The following RP1 variants were observed in gnomAD, a reference collection of about 807,000 sequenced individuals.
The protein encoded by RP1 is RP1 axonemal microtubule associated.
In RP1, 16 loss-of-function variants were observed where a neutral mutation model predicts 14.8. The observed-to-expected ratio is 1.08, with a 90% confidence interval of 0.73 to 1.65. The LOEUF is 1.65. RP1 is among the 40% of genes most tolerant of loss of function. The pLI, the probability that RP1 is intolerant of heterozygous loss-of-function variation, is 0.00. For synonymous variants in RP1, 876 were observed against 883.6 expected (o/e 0.99, Z 0.15); for missense variants, 2,631 against 2,535.0 (o/e 1.04, Z -0.81).
At chr8:54,734,566 G>A in exon 18 of RP1, 5 of 1,535,180 alleles carry the variant, frequency 3.3e-6, no homozygotes, top group Non-Finnish European at 4.4e-6. Flanking sequence ...CATTTCCAAA[G>A]TAGTGAGACT....
At chr8:54,741,007 G>T (rs970097682) in intron 19 of RP1, among the ~76,000 whole-genome samples, 1 of 151,010 alleles carries the variant, frequency 6.6e-6, no homozygotes, top group Admixed American at 6.6e-5. Flanking sequence ...TTGCACTCCA[G>T]TCTGGGGGAC....
intron 1 of RP1, among the ~76,000 whole-genome samples, chr8:54,593,933 G>A (rs1490529544): frequency 2.0e-5 from 3 of 152,264 alleles, no homozygotes; most frequent in African/African-American, 7.2e-5. Context: ...AAGTTGCAGA[G>A]GAAGGTGAAA....
At chr8:54,822,071 C>A (rs1811267668) in intron 24 of RP1, among the ~76,000 whole-genome samples, 1 of 152,044 alleles carries the variant, frequency 6.6e-6, no homozygotes, top group Non-Finnish European at 1.5e-5. Flanking sequence ...TGTGAAAAGC[C>A]ATGCATTAGT....
At chr8:54,744,472 G>A (rs553741844) in intron 19 of RP1, among the ~76,000 whole-genome samples, 1 of 152,304 alleles carries the variant, frequency 6.6e-6, no homozygotes, top group East Asian at 1.9e-4. Flanking sequence ...GTGTCTATTT[G>A]CAAAGCTGAA....
At chr8:54,778,233 T>A (rs1810089807) in intron 23 of RP1, among the ~76,000 whole-genome samples, 1 of 152,076 alleles carries the variant, frequency 6.6e-6, no homozygotes, top group Admixed American at 6.5e-5. Context: ...TGTCCAAATG[T>A]TGAAGTGTGC....
chr8:54,821,839 G>T (rs566539389), intron 24 of RP1, among the ~76,000 whole-genome samples: 1 of 152,240 alleles, frequency 6.6e-6, no homozygotes, highest in African/African-American at 2.4e-5. Context: ...AAGAATCAGG[G>T]TACCTGGGAG....
At chr8:54,710,943 A>T (rs1008667904) in intron 15 of RP1, among the ~76,000 whole-genome samples, 1 of 152,136 alleles carries the variant, frequency 6.6e-6, no homozygotes, top group African/African-American at 2.4e-5. Context: ...GGAAGTTTTC[A>T]CTTTGGGCTG....
At chr8:54,866,806 A>C (rs554622675) in intron 28 of RP1, among the ~76,000 whole-genome samples, 187 of 152,322 alleles carry the variant, frequency 1.2e-3, no homozygotes, top group Non-Finnish European at 7.9e-4. Flanking sequence ...AGAGAGGCTT[A>C]TATATGCTGT....
intron 1 of RP1, among the ~76,000 whole-genome samples, chr8:54,586,725 C>T (rs1184839201): frequency 1.3e-5 from 2 of 152,198 alleles, no homozygotes; most frequent in Admixed American, 6.5e-5. Context: ...TCGCTGCCAC[C>T]TTGCAGTTTG....
intron 3 of RP1, among the ~76,000 whole-genome samples, chr8:54,636,971 T>G (rs554191707): frequency 2.0e-5 from 3 of 152,222 alleles, no homozygotes; most frequent in Non-Finnish European, 4.4e-5. Context: ...TTTATGCCTT[T>G]GCTTACTTTC....
chr8:54,752,096 G>C (rs1490252185), intron 19 of RP1, among the ~76,000 whole-genome samples: 1 of 152,122 alleles, frequency 6.6e-6, no homozygotes, highest in Admixed American at 6.5e-5. Context: ...TTAGGTTCTT[G>C]GAAACTGTGA....
At chr8:54,681,529 T>C (rs1472771571) in intron 12 of RP1, among the ~76,000 whole-genome samples, 2 of 151,974 alleles carry the variant, frequency 1.3e-5, no homozygotes, top group South Asian at 2.1e-4. Flanking sequence ...TGTGTATGTA[T>C]ATATGTATAT....
chr8:54,815,873 T>C (rs1399307708), intron 24 of RP1, among the ~76,000 whole-genome samples: 1 of 152,248 alleles, frequency 6.6e-6, no homozygotes, highest in Non-Finnish European at 1.5e-5. Flanking sequence ...GATTAACTTA[T>C]GTCTAGACAT....
rs116347442 is a variant in RP1, at chr8:54,754,492, G to A, written c.2809-311G>A. 8.7e-3 allele frequency among the ~76,000 whole-genome samples: 1,323 copies of A among 152,182 alleles called. 22 individuals carry two copies. The highest frequency in any genetic ancestry group is 0.03 in the African/African-American group (1,248 of 41,498). ...AAGGTTAAAAGATAGTTAAAATAAA[G>A]CACTCAGCATAATATGTGGCAAATA... On this transcript the variant is annotated intron_variant, in intron 19 of 22. Coordinates refer to the RP1 transcript ENST00000636932.
In RP1 at chr8:54,628,042, T is replaced by A; in HGVS notation, c.4160T>A (p.Leu1387Ter). The A allele has an allele frequency of 6.2e-7, 1 of 1,614,034 alleles. No homozygotes were observed. Among genetic ancestry groups the A allele is most frequent in the East Asian group, 2.2e-5 (1 of 44,872 alleles). ...GAATATAAAAATGGATTTAATACAT[T>A]GGTGTCACATCAAAATGTCAGTAAT... ...DPEYKNGFNT[L>*]VSHQNVSNLS... Residue 1387 changes from leucine to a stop codon, truncating the protein, a stop_gained, in exon 4 of 4, where the codon TTG becomes TAG. Transcript: ENST00000220676. LOFTEE classifies it low-confidence loss of function (END_TRUNC).
At position 54,627,199 on chromosome 8, in the gene RP1, T is replaced by C. The variant is rs1043235694; in HGVS notation, c.3317T>C (p.Val1106Ala). ...ATTCACAAGACTCAGAATGGAGTTG[T>C]TCAAATGCCAGGTTCACTTGCAGGT... The part of the protein sequence containing the change: ...PGIHKTQNGV[V>A]QMPGSLAGVP... The change falls in exon 4 of 4, where the codon GTT (valine) becomes GCT (alanine). Residue 1106 changes from valine (V) to alanine (A), a missense_variant. By Grantham distance (64) the Val-to-Ala change is moderately conservative. Coordinates refer to ENST00000220676, the MANE Select transcript of RP1 (RefSeq NM_006269.2). 3.7e-6 allele frequency: 6 copies of C among 1,613,958 alleles called. No homozygotes were observed. In the African/African-American group the frequency reaches 6.7e-5, roughly 18 times the overall value.
At chr8:54,756,387 T>A (rs1388560398) in intron 21 of RP1, among the ~76,000 whole-genome samples, 1 of 152,222 alleles carries the variant, frequency 6.6e-6, no homozygotes, top group Non-Finnish European at 1.5e-5. Flanking sequence ...AAAGGCATAT[T>A]TTTAAGAAAG....
chr8:54,825,645 T>C (rs548937179), intron 24 of RP1, among the ~76,000 whole-genome samples: 1 of 152,368 alleles, frequency 6.6e-6, no homozygotes, highest in East Asian at 1.9e-4. Context: ...GTATTAGTTC[T>C]ATATCTTTCA....
At chr8:54,737,210 G>T (rs1808954330) in intron 18 of RP1, among the ~76,000 whole-genome samples, 1 of 152,100 alleles carries the variant, frequency 6.6e-6, no homozygotes. Flanking sequence ...TTTTAAAGTA[G>T]ACACTTAAAA....
Sources: gnomAD v4.1 joint callset for allele counts (sites outside exome capture counted in the v4.1 genomes callset) on GRCh38, gnomAD v4.1.1 for gene constraint, MANE v1.5 for transcripts, NCBI Gene and HGNC (gene_info 2026-07-23, HGNC 2026-07-21) for gene names.